Variants in ANO2 observed in about 807,000 individuals in gnomAD.
The protein encoded by ANO2 is anoctamin-2.
A neutral mutation model predicts 124.2 loss-of-function variants in ANO2; 101 were observed. The ratio of observed to expected loss-of-function variants is 0.81; its 90% CI spans 0.69 to 0.96. The LOEUF is 0.96. Among genes scored for constraint, ANO2 ranks in the 40% least tolerant of loss-of-function variants. The probability of loss-of-function intolerance (pLI) is 0.00; values close to 1 mark genes in which losing one functional copy is unlikely to be tolerated. For synonymous variants in ANO2, 486 were observed against 482.5 expected (o/e 1.01, Z -0.09); for missense variants, 1,293 against 1,274.5 (o/e 1.01, Z -0.22).
chr12:5,584,906 T>C (rs1349766263), intron 20 of ANO2, among the ~76,000 whole-genome samples: 1 of 152,110 alleles, frequency 6.6e-6, no homozygotes, highest in East Asian at 1.9e-4. Flanking sequence ...CAGCAAGCAT[T>C]TACTGAGCAC....
At chr12:5,592,552 TG>T (rs1020524325) in intron 20 of ANO2, among the ~76,000 whole-genome samples, 1 of 152,120 alleles carries the variant, frequency 6.6e-6, no homozygotes, top group African/African-American at 2.4e-5. Context: ...GCACTGGGCG[TG>T]TGAACTTTAT....
intron 10 of ANO2, among the ~76,000 whole-genome samples, chr12:5,790,542 C>T (rs1952667516): frequency 6.6e-6 from 1 of 152,218 alleles, no homozygotes; most frequent in Admixed American, 6.5e-5. Context: ...TCCTTCAAAT[C>T]TCTGCTTCCT....
intron 14 of ANO2, among the ~76,000 whole-genome samples, chr12:5,697,288 C>T (rs1367752899): frequency 2.6e-5 from 4 of 151,946 alleles, no homozygotes; most frequent in Non-Finnish European, 4.4e-5. Context: ...AAAAATTAGC[C>T]GGGCGTGGTG....
chr12:5,835,223 G>A (rs1591673389), intron 4 of ANO2, among the ~76,000 whole-genome samples: 1 of 152,194 alleles, frequency 6.6e-6, no homozygotes, highest in East Asian at 1.9e-4. Context: ...ACACGGGCTG[G>A]TTTGCTTGGA....
At chr12:5,714,322 C>A (rs148930675) in intron 14 of ANO2, among the ~76,000 whole-genome samples, 74 of 152,320 alleles carry the variant, frequency 4.9e-4, no homozygotes, top group African/African-American at 1.8e-3. Flanking sequence ...ATCCTCCAAA[C>A]ATGGATTAAA....
At chr12:5,606,419 G>A (rs764322083) in intron 19 of ANO2, among the ~76,000 whole-genome samples, 131 of 152,352 alleles carry the variant, frequency 8.6e-4, no homozygotes, top group Middle Eastern at 3.4e-3. Context: ...TTTTTACAAA[G>A]AGAAGGCAGA....
chr12:5,573,471 T>G (rs1024719228), intron 23 of ANO2, among the ~76,000 whole-genome samples: 5 of 152,182 alleles, frequency 3.3e-5, no homozygotes, highest in African/African-American at 1.2e-4. Flanking sequence ...AGATGTGAGC[T>G]TTAGACCCTG....
intron 12 of ANO2, chr12:5,740,030 C>A: frequency 2.2e-6 from 1 of 453,036 alleles, no homozygotes; most frequent in South Asian, 1.6e-5. Flanking sequence ...CCTGCCACAC[C>A]TACACATCCA....
intron 16 of ANO2, among the ~76,000 whole-genome samples, chr12:5,618,662 C>A (rs1944960796): frequency 1.3e-5 from 2 of 152,200 alleles, no homozygotes; most frequent in South Asian, 4.1e-4. Flanking sequence ...TCTCTTTCAC[C>A]TCCCCACTTT....
At chr12:5,855,694 C>T (rs1248686476) in intron 3 of ANO2, among the ~76,000 whole-genome samples, 2 of 152,196 alleles carry the variant, frequency 1.3e-5, no homozygotes, top group Non-Finnish European at 2.9e-5. Context: ...TGCAACTATG[C>T]TGTAAGGCCA....
In ANO2 at chr12:5,575,917, G is replaced by T. The variant is rs1361157698; in HGVS notation, c.2538C>A (p.Thr846=). The T allele has an allele frequency of 1.5e-5, 25 of 1,613,566 alleles. No individual in the cohort carries two copies. Among genetic ancestry groups the T allele is most frequent in the Non-Finnish European group, 1.9e-5 (23 of 1,179,804 alleles). Residue 846 remains threonine, a synonymous_variant, in exon 23 of 25, where the codon ACC becomes ACA. Transcript: ENST00000682330. The part of the protein sequence containing the change: ...NGTLHGFVNH[T]LSFFNVSQLK... ...GCTGGCTGACGTTGAAAAAGGAGAGGGTGTGGTTGACAAAGCCGTGCAGAG... is the reference window on the plus strand; with the variant it reads ...GCTGGCTGACGTTGAAAAAGGAGAGTGTGTGGTTGACAAAGCCGTGCAGAG...
intron 13 of ANO2, among the ~76,000 whole-genome samples, chr12:5,736,771 T>C (rs1029779744): frequency 6.6e-6 from 1 of 152,170 alleles, no homozygotes; most frequent in Admixed American, 6.5e-5. Flanking sequence ...TACTGAGCCC[T>C]GTCCCCTGAA....
At chr12:5,755,094 T>C (rs1384472757) in intron 10 of ANO2, among the ~76,000 whole-genome samples, 2 of 152,060 alleles carry the variant, frequency 1.3e-5, no homozygotes, top group African/African-American at 2.4e-5. Flanking sequence ...AGTTTTAATA[T>C]GTTGTGCTTT....
At chr12:5,645,207 G>A (rs1008988800) in intron 15 of ANO2, among the ~76,000 whole-genome samples, 9 of 152,034 alleles carry the variant, frequency 5.9e-5, no homozygotes, top group Non-Finnish European at 1.0e-4. Context: ...GCTGTATTAC[G>A]GATAATTTAT....
intron 10 of ANO2, among the ~76,000 whole-genome samples, chr12:5,771,948 G>T: frequency 6.6e-6 from 1 of 152,252 alleles, no homozygotes; most frequent in East Asian, 1.9e-4. Flanking sequence ...CAGCATGAGA[G>T]CTTCCAAGTA....
At chr12:5,928,137 A>T (rs1199914367) in intron 1 of ANO2, among the ~76,000 whole-genome samples, 13 of 149,130 alleles carry the variant, frequency 8.7e-5, no homozygotes, top group Non-Finnish European at 1.7e-4. Flanking sequence ...CCTCCAAGAG[A>T]GACCAGCAGC....
chr12:5,755,173 C>A (rs940634781), intron 10 of ANO2, among the ~76,000 whole-genome samples: 1 of 151,492 alleles, frequency 6.6e-6, no homozygotes, highest in Non-Finnish European at 1.5e-5. Context: ...AGATATAGTA[C>A]TCTTGATTGG....
At position 5,927,585 on chromosome 12, in the gene ANO2, G is replaced by C. The variant is rs537957079; in HGVS notation, c.23-4781C>G. ...CCTCCACTGTCCATCTACCATCAGGGCTTCCAACGACCATTTCCTCATTTA... is the reference window on the plus strand; with the variant it reads ...CCTCCACTGTCCATCTACCATCAGGCCTTCCAACGACCATTTCCTCATTTA... On this transcript the variant is annotated intron_variant, in intron 1 of 24. Coordinates refer to ENST00000682330, the MANE Select transcript of ANO2 (RefSeq NM_001364791.2). Among the ~76,000 whole-genome samples, 14 of 152,300 alleles carry C rather than the reference G, an allele frequency of 9.2e-5. 1 individual carries two copies. The highest frequency in any genetic ancestry group is 6.8e-3 in the Middle Eastern group (2 of 294).
At chr12:5,719,395 AAT>A (rs1413847623) in intron 14 of ANO2, among the ~76,000 whole-genome samples, 1 of 152,172 alleles carries the variant, frequency 6.6e-6, no homozygotes, top group Admixed American at 6.5e-5. Flanking sequence ...TTCTGGTTTG[AAT>A]ATATGAGTCC....
Sources: gnomAD v4.1 joint callset for allele counts (sites outside exome capture counted in the v4.1 genomes callset) on GRCh38, gnomAD v4.1.1 for gene constraint, MANE v1.5 for transcripts, NCBI Gene and HGNC (gene_info 2026-07-23, HGNC 2026-07-21) for gene names.